CSGALNACT1: variants seen among roughly 807,000 people sequenced by gnomAD.
CSGALNACT1 encodes beta4GalNAcT-1.
Under a neutral mutation model 51.0 loss-of-function variants are expected in CSGALNACT1, and 52 were observed. The observed-to-expected ratio is 1.02, with a 90% CI of 0.82 to 1.29. The LOEUF is 1.29. CSGALNACT1 is among the 50% of genes most tolerant of loss of function. CSGALNACT1 has a pLI of 0.00. For synonymous variants in CSGALNACT1, 341 were observed against 254.4 expected, an observed-to-expected ratio of 1.34 and a Z score of -3.24; for missense variants, 935 against 679.2, an observed-to-expected ratio of 1.38 and a Z score of -4.19.
Position 19,601,628 on chromosome 8 carries a change from A to G in CSGALNACT1, c.-416+143T>C, listed in dbSNP as rs548142781. 1.2e-4 allele frequency: 36 copies of G among 293,994 alleles called. 1 individual carries two copies. Among genetic ancestry groups the G allele is most frequent in the South Asian group, 1.1e-3 (35 of 31,418 alleles). The allele number at this position is 293,994 out of a possible 1,614,324, so 18.2% of individuals were successfully genotyped here. A position where few individuals can be genotyped will look rare whatever the true frequency, so the allele number is the denominator to read the frequency against. ...GTAATTGTATTATTTTGGAAGAAGT[A>G]TCATTCTCTTGAAGTAATAACTTGT... On this transcript the variant is annotated intron_variant, in intron 2 of 9. Coordinates refer to ENST00000454498, the Ensembl canonical transcript of CSGALNACT1.
At chr8:19,657,877 C>T (rs916988108) in intron 1 of CSGALNACT1, among the ~76,000 whole-genome samples, 1 of 151,974 alleles carries the variant, frequency 6.6e-6, no homozygotes, top group Non-Finnish European at 1.5e-5. Context: ...CTTGGGCACC[C>T]CCGATGGGGT....
Position 19,757,098 on chromosome 8 carries a change from C to T in CSGALNACT1, c.-297+752G>A, listed in dbSNP as rs1181832167. ...GCGGGGTGGGCGGGCGCGAGCTAGG[C>T]GCGCGGGGCTGTGGGGATCTGCCGG... On this transcript the variant is annotated intron_variant, in intron 1 of 1. Transcript: ENST00000517494. This position sits in a 1 kb window ranked among gnomAD's most constrained non-coding sequence, Gnocchi z 4.0. 1 of 150,154 alleles carries T rather than the reference C, an allele frequency of 6.7e-6. No homozygotes were observed. The highest frequency in any genetic ancestry group is 2.4e-5 in the African/African-American group (1 of 41,228). 9.3% of individuals were successfully genotyped at this position (150,154 alleles called of 1,614,324 possible).
intron 5 of CSGALNACT1, among the ~76,000 whole-genome samples, chr8:19,452,315 C>A (rs1207041306): frequency 6.6e-6 from 1 of 151,562 alleles, no homozygotes; most frequent in African/African-American, 2.4e-5. Flanking sequence ...GCACCAGCAG[C>A]AGGAAGAGCC....
chr8:19,457,486 A>G, intron 5 of CSGALNACT1: 2 of 389,776 alleles, frequency 5.1e-6, no homozygotes, highest in South Asian at 4.0e-5. Flanking sequence ...GGTAATGGGC[A>G]TCTGTAATCC....
Position 19,489,438 on chromosome 8 carries a change from T to C in CSGALNACT1, c.634+15763A>G, listed in dbSNP as rs547490024. Among the ~76,000 whole-genome samples the C allele has an allele frequency of 2.0e-5, 3 of 152,290 alleles. No individual in the cohort carries two copies. The South Asian group carries it at 6.2e-4, about 32-fold the overall frequency. ...TCGCCAGAGCCATCCTTTCCTCTGG[T>C]CTCAAAGGAAGCATTTTCCTTCTTC... is the stretch of plus-strand genomic sequence containing the variant. On this transcript the variant is annotated intron_variant, in intron 4 of 9. Coordinates refer to ENST00000454498, the Ensembl canonical transcript of CSGALNACT1.
chr8:19,619,211 G>T (rs577952881), intron 1 of CSGALNACT1, among the ~76,000 whole-genome samples: 1 of 133,468 alleles, frequency 7.5e-6, no homozygotes, highest in Admixed American at 8.7e-5. Flanking sequence ...GGTGAGGTAA[G>T]AAATGGGAGA....
At chr8:19,462,018 C>G (rs1305875318) in intron 4 of CSGALNACT1, among the ~76,000 whole-genome samples, 1 of 152,238 alleles carries the variant, frequency 6.6e-6, no homozygotes, top group African/African-American at 2.4e-5. Context: ...GGCCTATCCA[C>G]ACAGCAGCCA....
chr8:19,404,870 C>T (rs1479997905), exon 10 of CSGALNACT1: 1 of 454,380 alleles, frequency 2.2e-6, no homozygotes, highest in African/African-American at 2.0e-5. Flanking sequence ...AGTTGCTCCT[C>T]TTCGAAAATA....
Position 19,568,841 on chromosome 8 carries a change from GC to G in CSGALNACT1, c.-297+22318del, listed in dbSNP as rs2042424668. On this transcript the variant is annotated intron_variant, in intron 3 of 9. Coordinates refer to ENST00000454498, the Ensembl canonical transcript of CSGALNACT1. ...CCTTTAAATGTAGGTAGAATAGACAGCTTTTTATATGGGGATATTTATCAAG... is the reference window on the plus strand; with the variant it reads ...CCTTTAAATGTAGGTAGAATAGACAGTTTTTATATGGGGATATTTATCAAG... Among the ~76,000 whole-genome samples, 3 of 152,250 alleles carry G rather than the reference GC, an allele frequency of 2.0e-5. No homozygotes were observed. The South Asian group carries it at 6.2e-4, about 32-fold the overall frequency.
intron 4 of CSGALNACT1, among the ~76,000 whole-genome samples, chr8:19,460,945 C>T (rs906846911): frequency 2.0e-4 from 30 of 152,208 alleles, no homozygotes; most frequent in Middle Eastern, 3.4e-3. Flanking sequence ...AAGGTAGTCT[C>T]GTGTCTCCCT....
intron 3 of CSGALNACT1, among the ~76,000 whole-genome samples, chr8:19,549,941 T>A (rs1370221754): frequency 6.6e-6 from 1 of 152,130 alleles, no homozygotes; most frequent in Non-Finnish European, 1.5e-5. Flanking sequence ...ACCTACCTTT[T>A]CTCTGTTAAA....
intron 1 of CSGALNACT1, among the ~76,000 whole-genome samples, chr8:19,658,097 C>A (rs1017168924): frequency 2.8e-5 from 4 of 140,530 alleles, no homozygotes; most frequent in African/African-American, 1.1e-4. Flanking sequence ...CCTGTTAAAG[C>A]CCTAACCCCC....
At chr8:19,654,381 A>G (rs1017815363) in intron 1 of CSGALNACT1, among the ~76,000 whole-genome samples, 6 of 152,208 alleles carry the variant, frequency 3.9e-5, no homozygotes, top group African/African-American at 1.2e-4. Flanking sequence ...TTAAGTCTGA[A>G]TGTGTGTGAC....
intron 3 of CSGALNACT1, among the ~76,000 whole-genome samples, chr8:19,553,920 C>CAT (rs2088972775): frequency 6.6e-6 from 1 of 151,604 alleles, no homozygotes; most frequent in Non-Finnish European, 1.5e-5. Flanking sequence ...CACACACACA[C>CAT]ACACACCCAG....
intron 3 of CSGALNACT1, among the ~76,000 whole-genome samples, chr8:19,535,550 A>G (rs2083569195): frequency 6.6e-6 from 1 of 152,234 alleles, no homozygotes; most frequent in Non-Finnish European, 1.5e-5. Flanking sequence ...CATTAATAAC[A>G]ATAAAACTTT....
At chr8:19,681,145 A>G (rs2060588002) in intron 1 of CSGALNACT1, among the ~76,000 whole-genome samples, 1 of 152,192 alleles carries the variant, frequency 6.6e-6, no homozygotes. Flanking sequence ...ACAAGGTCAT[A>G]GAAGCTCATT....
chr8:19,446,154 G>T (rs968689894), intron 5 of CSGALNACT1, among the ~76,000 whole-genome samples: 1 of 152,124 alleles, frequency 6.6e-6, no homozygotes, highest in Non-Finnish European at 1.5e-5. Flanking sequence ...CAGCCTGGGC[G>T]ACAGAGCGAG....
intron 4 of CSGALNACT1, among the ~76,000 whole-genome samples, chr8:19,468,344 G>A (rs1368078807): frequency 6.6e-6 from 1 of 152,210 alleles, no homozygotes; most frequent in Non-Finnish European, 1.5e-5. Context: ...AGGCAGACAC[G>A]AATGGGGGGA....
chr8:19,513,436 C>CTCTCTATATATATATATA, intron 3 of CSGALNACT1, among the ~76,000 whole-genome samples: 200 of 81,900 alleles, frequency 2.4e-3, no homozygotes, highest in East Asian at 4.0e-3. Context: ...CTCTCTCTCT[C>CTCTCTATATATATATATA]TATATATATA....
Sources: gnomAD v4.1 joint callset for allele counts (sites outside exome capture counted in the v4.1 genomes callset) on GRCh38, gnomAD v4.1.1 for gene constraint, Gnocchi (gnomAD v3.1) non-coding constraint, MANE v1.5 for transcripts, NCBI Gene and HGNC (gene_info 2026-07-23, HGNC 2026-07-21) for gene names.